DDX46: variants seen among roughly 807,000 people sequenced by gnomAD.
The protein encoded by DDX46 is DEAD-box helicase 46.
DDX46 carries 30 observed loss-of-function variants against 134.9 expected under a neutral mutation model. The observed-to-expected ratio is 0.22, with a 90% CI of 0.17 to 0.30. The LOEUF is 0.30. DDX46 is among the 10% of genes least tolerant of loss of function. DDX46 has a pLI of 1.00. For synonymous variants in DDX46, 415 were observed against 404.1 expected (o/e 1.03, Z -0.32); for missense variants, 622 against 1,248.7 (o/e 0.50, Z 7.56).
intron 18 of DDX46, among the ~76,000 whole-genome samples, chr5:134,813,205 A>G (rs1214449295): frequency 6.6e-6 from 1 of 152,186 alleles, no homozygotes; most frequent in Non-Finnish European, 1.5e-5. Flanking sequence ...GGCCTCCCAA[A>G]GTGCTCAGAT....
At chr5:134,808,337 C>T (rs1025167948) in intron 16 of DDX46, among the ~76,000 whole-genome samples, 4 of 152,138 alleles carry the variant, frequency 2.6e-5, no homozygotes, top group African/African-American at 4.8e-5. Flanking sequence ...TTAGCATGCT[C>T]AGAACACTTA....
At chr5:134,784,031 A>T (rs1754256806) in intron 9 of DDX46, among the ~76,000 whole-genome samples, 1 of 151,976 alleles carries the variant, frequency 6.6e-6, no homozygotes, top group African/African-American at 2.4e-5. Context: ...TTTGTCCATT[A>T]GTAGTCAGTC....
intron 6 of DDX46, among the ~76,000 whole-genome samples, chr5:134,779,434 T>C (rs1205163080): frequency 6.6e-6 from 1 of 152,214 alleles, no homozygotes; most frequent in African/African-American, 2.4e-5. Flanking sequence ...CCTCAAATGA[T>C]CTGTCTGCCT....
intron 13 of DDX46, among the ~76,000 whole-genome samples, chr5:134,793,539 G>GT (rs1754568613): frequency 6.6e-6 from 1 of 152,110 alleles, no homozygotes; most frequent in Non-Finnish European, 1.5e-5. Context: ...TGAGTAGCTG[G>GT]TATTATAGGC....
At chr5:134,786,463 A>G (rs1754337666) in intron 11 of DDX46, among the ~76,000 whole-genome samples, 1 of 152,070 alleles carries the variant, frequency 6.6e-6, no homozygotes, top group East Asian at 1.9e-4. Context: ...AAGTTGACCA[A>G]TTAGGTTAAT....
chr5:134,802,557 A>C (rs1754865270), intron 15 of DDX46, among the ~76,000 whole-genome samples: 1 of 148,306 alleles, frequency 6.7e-6, no homozygotes, highest in Non-Finnish European at 1.5e-5. Flanking sequence ...TGAATTTTTG[A>C]ATTCAGTTTT....
intron 21 of DDX46, among the ~76,000 whole-genome samples, chr5:134,821,052 T>G (rs1341773991): frequency 1.3e-5 from 2 of 150,986 alleles, no homozygotes; most frequent in Admixed American, 6.6e-5. Context: ...TTTTTTTTTT[T>G]TGTGAGAGAG....
In DDX46 at chr5:134,817,477, A is replaced by G. The variant is rs1376732251; in HGVS notation, c.2614-19A>G. 2 of 1,607,522 alleles carry G rather than the reference A, an allele frequency of 1.2e-6. No homozygotes were observed. The highest frequency in any genetic ancestry group is 1.7e-6 in the Non-Finnish European group (2 of 1,176,416). On this transcript the variant is annotated intron_variant, in intron 19 of 22. Transcript: ENST00000452510. The stretch of plus-strand genomic sequence containing the variant: ...CTCTGCCCTCATTTGAGATTTAACT[A>G]AGTCTTCTTTAACTACAGGATGTGA...
At chr5:134,791,512 G>C (rs1754502666) in intron 13 of DDX46, among the ~76,000 whole-genome samples, 1 of 151,478 alleles carries the variant, frequency 6.6e-6, no homozygotes. Flanking sequence ...AGTGAGCTGA[G>C]ATCACGCTGT....
chr5:134,819,578 G>A (rs1755384716), intron 21 of DDX46, among the ~76,000 whole-genome samples: 1 of 152,120 alleles, frequency 6.6e-6, no homozygotes, highest in South Asian at 2.1e-4. Context: ...TTGTCTGGCT[G>A]GAGTGCAGTG....
chr5:134,773,968 A>G, intron 5 of DDX46, 107 bp downstream of exon 5: 2 of 1,152,872 alleles, frequency 1.7e-6, no homozygotes, highest in Non-Finnish European at 2.3e-6. Flanking sequence ...AACTATGCAT[A>G]ATATGCTGTT....
In DDX46 at chr5:134,830,979, C is replaced by T. The variant is rs1370670289; in HGVS notation, c.*2273C>T. ...GATAAAATTTTGTTCTAAAATGAAA[C>T]ATATTACTTTGTTAGTACATTTTTT... On this transcript the variant is annotated 3_prime_UTR_variant, in exon 23 of 23. Coordinates refer to ENST00000452510, the MANE Select transcript of DDX46 (RefSeq NM_001300860.2). 4 of 152,494 alleles carry T rather than the reference C, an allele frequency of 2.6e-5. No homozygotes were observed. The highest frequency in any genetic ancestry group is 2.6e-4 in the Admixed American group (4 of 15,258). The allele number at this position is 152,494 out of a possible 1,614,324, so 9.4% of individuals were successfully genotyped here.
intron 6 of DDX46, among the ~76,000 whole-genome samples, chr5:134,779,420 C>T (rs905726984): frequency 2.6e-5 from 4 of 152,228 alleles, no homozygotes; most frequent in African/African-American, 7.2e-5. Context: ...CCTTGAACTC[C>T]TGACCTCAAA....
intron 15 of DDX46, among the ~76,000 whole-genome samples, chr5:134,800,833 G>A (rs562554140): frequency 4.6e-5 from 7 of 152,074 alleles, no homozygotes; most frequent in South Asian, 2.1e-4. Flanking sequence ...GTGCCACCTC[G>A]TCTCACTAAT....
At chr5:134,764,232 T>C (rs1283221427) in intron 2 of DDX46, 140 bp downstream of exon 2, 3 of 758,790 alleles carry the variant, frequency 4.0e-6, no homozygotes, top group Non-Finnish European at 6.2e-6. Context: ...ACTTGTTTGA[T>C]TAGACCCAGA....
In DDX46 at chr5:134,796,853, TA is replaced by T. The variant is rs140818499; in HGVS notation, c.1954+719del. The stretch of plus-strand genomic sequence containing the variant: ...GGGCAACAGAGTGAGACTCTCTCCA[TA>T]AAAAAAAAAAAAAAAGGCCAGGCGA... On this transcript the variant is annotated intron_variant, in intron 15 of 22. Coordinates refer to ENST00000452510, the MANE Select transcript of DDX46 (RefSeq NM_001300860.2). Among the ~76,000 whole-genome samples the T allele has an allele frequency of 6.7e-3, 546 of 81,354 alleles. 2 individuals are homozygous for T. The highest frequency in any genetic ancestry group is 0.033 in the Middle Eastern group (3 of 90). The allele number at this position is 81,354 out of a possible 152,430, so 53.4% of individuals were successfully genotyped here.
intron 5 of DDX46, 119 bp from the exon 6 acceptor site, chr5:134,777,455 A>C (rs1425517155): frequency 9.1e-7 from 1 of 1,097,922 alleles, no homozygotes; most frequent in East Asian, 2.6e-5. Context: ...TGGCTGGAGT[A>C]ATTGGAAAAG....
chr5:134,824,832 T>G (rs1474788270), intron 21 of DDX46, among the ~76,000 whole-genome samples: 1 of 152,214 alleles, frequency 6.6e-6, no homozygotes, highest in Non-Finnish European at 1.5e-5. Flanking sequence ...GGCTGGCTCC[T>G]TGGAGGCTCT....
intron 6 of DDX46, among the ~76,000 whole-genome samples, chr5:134,780,580 A>C (rs1754118242): frequency 6.7e-6 from 1 of 149,006 alleles, no homozygotes; most frequent in Non-Finnish European, 1.5e-5. Context: ...ATAAATAAAT[A>C]AATAAATAAA....
Sources: allele counts gnomAD v4.1 joint callset (sites outside exome capture counted in the v4.1 genomes callset), GRCh38; gene constraint gnomAD v4.1.1; transcripts MANE v1.5; gene names NCBI Gene and HGNC (gene_info 2026-07-23, HGNC 2026-07-21).